Variants in DMD observed in about 807,000 individuals in gnomAD.
DMD encodes the protein mutant dystrophin.
A neutral mutation model predicts 330.1 loss-of-function variants in DMD; 63 were observed. That is an observed-to-expected ratio of 0.19 (90% confidence interval 0.16 to 0.24). The LOEUF (loss-of-function observed/expected upper bound fraction) is 0.24. Ranked by LOEUF, DMD falls within the 10% of genes least tolerant of loss-of-function variation. DMD has a pLI of 1.00. For missense variants in DMD, 3,344 were observed against 2,684.1 expected (o/e 1.25, Z -5.43); for synonymous variants, 1,223 against 959.8 (o/e 1.27, Z -5.07).
At chrX:32,814,542 A>C (rs1036158706) in intron 6 of DMD, among the ~76,000 whole-genome samples, 2 of 112,067 alleles carry the variant, frequency 1.8e-5, no homozygotes, top group Non-Finnish European at 3.8e-5. Flanking sequence ...CCAAATACAA[A>C]AAGAAGGGGG....
At chrX:31,865,531 T>C (rs889721377) in intron 48 of DMD, among the ~76,000 whole-genome samples, 1 of 112,028 alleles carries the variant, frequency 8.9e-6, no homozygotes, top group African/African-American at 3.2e-5. Context: ...GGAGTTACTA[T>C]TTGAATTTGA....
intron 15 of DMD, among the ~76,000 whole-genome samples, chrX:32,571,920 G>T (rs2052467468): frequency 9.0e-6 from 1 of 111,209 alleles, no homozygotes; most frequent in Admixed American, 9.6e-5. Flanking sequence ...CTTCTGATTA[G>T]TCCTCGTACC....
intron 61 of DMD, among the ~76,000 whole-genome samples, chrX:31,339,775 A>G (rs1267190841): frequency 8.9e-6 from 1 of 111,863 alleles, no homozygotes; most frequent in Non-Finnish European, 1.9e-5. Flanking sequence ...GGGTTTCTCC[A>G]TGTTGGTCAG....
intron 71 of DMD, among the ~76,000 whole-genome samples, chrX:31,176,427 G>A (rs1165270601): frequency 1.8e-5 from 2 of 111,183 alleles, no homozygotes; most frequent in Non-Finnish European, 3.8e-5. Flanking sequence ...ATTAGCTTAC[G>A]TGTAGCTCCT....
intron 63 of DMD, among the ~76,000 whole-genome samples, chrX:31,236,090 C>T (rs997378562): frequency 8.9e-6 from 1 of 112,191 alleles, no homozygotes; most frequent in African/African-American, 3.2e-5. Flanking sequence ...CAAAGAGACT[C>T]TGAGGCTGAA....
intron 7 of DMD, among the ~76,000 whole-genome samples, chrX:32,740,588 G>A (rs1021744117): frequency 1.8e-5 from 2 of 111,252 alleles, no homozygotes; most frequent in African/African-American, 6.5e-5. Flanking sequence ...TATTATTTAA[G>A]CATTATATAA....
At chrX:32,697,215 T>G (rs188653608) in intron 9 of DMD, among the ~76,000 whole-genome samples, 1 of 111,790 alleles carries the variant, frequency 8.9e-6, no homozygotes, top group Admixed American at 9.6e-5. Context: ...GTATATTGGG[T>G]TCCATACAAT....
chrX:32,664,402 C>G (rs193232123), intron 9 of DMD, among the ~76,000 whole-genome samples: 1 of 109,512 alleles, frequency 9.1e-6, no homozygotes, highest in South Asian at 4.0e-4. Context: ...CCACCACGGC[C>G]GGCAAATTTT....
chrX:31,759,590 T>TTG (rs1449004979), intron 51 of DMD, among the ~76,000 whole-genome samples: 1 of 112,016 alleles, frequency 8.9e-6, no homozygotes, highest in Non-Finnish European at 1.9e-5. Context: ...AGAAGACAGT[T>TTG]TGAGTACAAA....
chrX:32,602,157 A>G (rs959622150), intron 12 of DMD, among the ~76,000 whole-genome samples: 7 of 111,912 alleles, frequency 6.3e-5, no homozygotes, highest in African/African-American at 1.3e-4. Flanking sequence ...TATTTACACT[A>G]CATTAATAAA....
At chrX:31,333,760 C>G (rs1486908323) in intron 61 of DMD, among the ~76,000 whole-genome samples, 1 of 110,135 alleles carries the variant, frequency 9.1e-6, no homozygotes, top group Non-Finnish European at 1.9e-5. Flanking sequence ...AAATTGCCCT[C>G]ATGTTGACTA....
intron 1 of DMD, among the ~76,000 whole-genome samples, chrX:33,268,907 CAAAA>C (rs202219233): frequency 1.3e-3 from 56 of 43,316 alleles, no homozygotes; most frequent in African/African-American, 3.6e-3. Context: ...GCCTGGGTGA[CAAAA>C]AAAAAAAAAA....
At chrX:32,486,535 A>G (rs1323772591) in intron 20 of DMD, among the ~76,000 whole-genome samples, 2 of 111,009 alleles carry the variant, frequency 1.8e-5, no homozygotes, top group East Asian at 2.8e-4. Context: ...AAGAGCCCGC[A>G]TCGCCAAGTC....
At chrX:31,423,535 A>G (rs1168870510) in intron 60 of DMD, among the ~76,000 whole-genome samples, 1 of 111,999 alleles carries the variant, frequency 8.9e-6, no homozygotes. Context: ...CTTGGTAGAA[A>G]ACAGAATACT....
chrX:33,046,331 A>C (rs2094381286), intron 1 of DMD, among the ~76,000 whole-genome samples: 1 of 111,853 alleles, frequency 8.9e-6, no homozygotes, highest in South Asian at 3.7e-4. Context: ...GCCCACTTAA[A>C]TTTGTGTGAT....
chrX:33,281,360 C>A (rs933473760), intron 1 of DMD, among the ~76,000 whole-genome samples: 1 of 110,178 alleles, frequency 9.1e-6, no homozygotes, highest in Admixed American at 9.7e-5. Context: ...AGGCACACAC[C>A]ATCATGCCCA....
intron 55 of DMD, among the ~76,000 whole-genome samples, chrX:31,571,481 T>C (rs753643181): frequency 1.8e-5 from 2 of 110,933 alleles, no homozygotes; most frequent in African/African-American, 6.5e-5. Context: ...TCTCCGCTAC[T>C]AGATTGTGAG....
intron 9 of DMD, among the ~76,000 whole-genome samples, chrX:32,653,984 T>C (rs1321955555): frequency 8.9e-6 from 1 of 112,143 alleles, no homozygotes; most frequent in Non-Finnish European, 1.9e-5. Context: ...ATGCTTGTGA[T>C]TTTTGCACAT....
chrX:31,210,040 G>GA (rs746247831), intron 64 of DMD, among the ~76,000 whole-genome samples: 48 of 106,657 alleles, frequency 4.5e-4, no homozygotes, highest in African/African-American at 1.4e-3. Flanking sequence ...ACCTGAATAA[G>GA]AAAAAAAAAA....
Sources: gnomAD v4.1 joint callset for allele counts (sites outside exome capture counted in the v4.1 genomes callset) on GRCh38, gnomAD v4.1.1 for gene constraint, MANE v1.5 for transcripts, NCBI Gene and HGNC (gene_info 2026-07-23, HGNC 2026-07-21) for gene names.